Variants in RBMS2 observed in about 807,000 individuals in gnomAD.
The protein encoded by RBMS2 is RNA-binding motif, single-stranded-interacting protein 2.
Under a neutral mutation model 58.4 loss-of-function variants are expected in RBMS2, and 38 were observed. The observed-to-expected ratio is 0.65, with a 90% CI of 0.50 to 0.85. The LOEUF (loss-of-function observed/expected upper bound fraction) is 0.85. Ranked by LOEUF, RBMS2 falls within the 40% of genes least tolerant of loss-of-function variation. The probability of loss-of-function intolerance (pLI) is 0.00; values close to 1 mark genes in which losing one functional copy is unlikely to be tolerated. For missense variants in RBMS2, 367 were observed against 503.7 expected, an observed-to-expected ratio of 0.73 and a Z score of 2.60; for synonymous variants, 151 against 180.7, an observed-to-expected ratio of 0.84 and a Z score of 1.32.
intron 5 of RBMS2, among the ~76,000 whole-genome samples, chr12:56,577,759 G>A (rs12298408): frequency 4.0e-5 from 6 of 151,640 alleles, no homozygotes; most frequent in African/African-American, 1.2e-4. Context: ...CTTGGCTCAT[G>A]GCAACCTCTG....
At chr12:56,575,578 G>A (rs1211118522) in intron 5 of RBMS2, among the ~76,000 whole-genome samples, 3 of 147,228 alleles carry the variant, frequency 2.0e-5, no homozygotes, top group Non-Finnish European at 3.0e-5. Flanking sequence ...CAAAAAAAAA[G>A]GGCTATTTTT....
intron 11 of RBMS2, 115 bp from the exon 12 acceptor site, chr12:56,588,179 A>G (rs753551288): frequency 2.5e-4 from 211 of 837,384 alleles, no homozygotes; most frequent in Non-Finnish European, 3.5e-4. Flanking sequence ...CAGACCAATT[A>G]AAATAGAATC....
intron 1 of RBMS2, among the ~76,000 whole-genome samples, chr12:56,541,357 CAAATT>C (rs1876058606): frequency 6.6e-6 from 1 of 152,002 alleles, no homozygotes; most frequent in Non-Finnish European, 1.5e-5. Flanking sequence ...TACTTTAACT[CAAATT>C]GAATTACTAT....
chr12:56,576,184 A>C (rs921374123), intron 5 of RBMS2, among the ~76,000 whole-genome samples: 2 of 151,974 alleles, frequency 1.3e-5, no homozygotes, highest in Non-Finnish European at 2.9e-5. Context: ...TTAAAAATAC[A>C]AAGCTAGCCA....
intron 10 of RBMS2, 40 bp from the exon 11 acceptor site, chr12:56,587,514 G>A: frequency 6.3e-7 from 1 of 1,598,246 alleles, no homozygotes; most frequent in Non-Finnish European, 8.5e-7. Context: ...CAGCCTCACA[G>A]GATGCTGCAG....
chr12:56,559,981 G>C (rs559778783), intron 1 of RBMS2, among the ~76,000 whole-genome samples: 6 of 56,010 alleles, frequency 1.1e-4, no homozygotes, highest in Admixed American at 2.3e-4. Context: ...TGCAACCTCC[G>C]CCTCCCAGGT....
In RBMS2 at chr12:56,571,771, G is replaced by T; in HGVS notation, c.458G>T (p.Gly153Val). Residue 153 changes from glycine (G) to valine (V), a missense_variant, in exon 5 of 14, where the codon GGG (glycine) becomes GTG (valine). By Grantham distance (109) the Gly-to-Val change is moderately radical. Transcript: ENST00000262031. ...TCAATGGATGAGCAGGAACTGGAGG[G>T]GATGCTGAAGCCCTTTGGCCAGGTT... ...PLSMDEQELE[G>V]MLKPFGQVIS... is the part of the protein sequence containing the mutation. 6.2e-7 allele frequency: 1 copy of T among 1,603,362 alleles called. No homozygotes were observed. The highest frequency in any genetic ancestry group is 1.7e-4 in the Middle Eastern group (1 of 5,914).
intron 1 of RBMS2, among the ~76,000 whole-genome samples, chr12:56,529,304 G>T (rs560019087): frequency 6.6e-6 from 1 of 152,222 alleles, no homozygotes; most frequent in Admixed American, 6.5e-5. Context: ...TGTAATCCCA[G>T]CACTTTGGGA....
At chr12:56,553,913 C>T (rs561986150) in intron 1 of RBMS2, among the ~76,000 whole-genome samples, 1 of 151,890 alleles carries the variant, frequency 6.6e-6, no homozygotes, top group Admixed American at 6.6e-5. Flanking sequence ...CAGCCTCCGC[C>T]TCCTGGCTTC....
At chr12:56,585,744 A>G (rs1393507300) in intron 9 of RBMS2, among the ~76,000 whole-genome samples, 1 of 152,252 alleles carries the variant, frequency 6.6e-6, no homozygotes, top group Non-Finnish European at 1.5e-5. Flanking sequence ...ACTTGGATAT[A>G]TACCTAGGAG....
chr12:56,549,837 G>T (rs908476712), intron 1 of RBMS2, among the ~76,000 whole-genome samples: 7 of 152,032 alleles, frequency 4.6e-5, no homozygotes, highest in Non-Finnish European at 1.0e-4. Flanking sequence ...AGACCATCCT[G>T]ACCAACATGG....
Position 56,542,468 on chromosome 12 carries a change from G to GT in RBMS2, c.67-19937dup, listed in dbSNP as rs1237328467. On this transcript the variant is annotated intron_variant, in intron 1 of 13. Transcript: ENST00000262031. ...TGATTTGAGCATATTTAAAGTATGG[G>GT]TTTTTTTTTTTTAAAAATGGGGCTT... 4.0e-3 allele frequency among the ~76,000 whole-genome samples: 572 copies of GT among 143,758 alleles called. 4 individuals carry two copies. Among genetic ancestry groups the GT allele is most frequent in the African/African-American group, 0.014 (546 of 38,242 alleles). 94.3% of individuals were successfully genotyped at this position (143,758 alleles called of 152,430 possible).
chr12:56,527,044 C>A (rs1320734137), intron 1 of RBMS2, among the ~76,000 whole-genome samples: 1 of 152,112 alleles, frequency 6.6e-6, no homozygotes. Flanking sequence ...GTAAGGCTGA[C>A]TGGTGGGTAC....
chr12:56,535,409 C>T (rs1162600202), intron 1 of RBMS2, among the ~76,000 whole-genome samples: 1 of 149,848 alleles, frequency 6.7e-6, no homozygotes, highest in East Asian at 2.0e-4. Context: ...GTGGAAGGAT[C>T]ACTTGAACCC....
At chr12:56,561,942 G>A (rs1402207059) in intron 1 of RBMS2, among the ~76,000 whole-genome samples, 1 of 152,036 alleles carries the variant, frequency 6.6e-6, no homozygotes, top group Non-Finnish European at 1.5e-5. Flanking sequence ...TGAGTAGCTG[G>A]GACTACAGGC....
chr12:56,573,987 CCCG>C (rs1345468167), intron 5 of RBMS2, among the ~76,000 whole-genome samples: 1 of 152,040 alleles, frequency 6.6e-6, no homozygotes, highest in Non-Finnish European at 1.5e-5. Flanking sequence ...ATTACAGGCG[CCCG>C]CCACCATGCC....
chr12:56,571,836 A>C lies in RBMS2; in HGVS notation c.523A>C (p.Arg175=). The C allele has an allele frequency of 6.4e-7, 1 of 1,572,912 alleles. No individual in the cohort carries two copies. The highest frequency in any genetic ancestry group is 8.6e-7 in the Non-Finnish European group (1 of 1,158,012). The change falls in exon 5 of 14, where the codon AGA becomes CGA. Residue 175 remains arginine (R), a synonymous_variant. Coordinates refer to ENST00000262031, the MANE Select transcript of RBMS2 (RefSeq NM_002898.4). ...CCTTCGAGATACCAGTGGGACCAGC[A>C]GAGGTGTTGGCTTTGCAAGGTGAGG... The part of the protein sequence containing the change: ...RILRDTSGTS[R]GVGFARMEST...
chr12:56,558,194 C>T lies in RBMS2; in HGVS notation c.67-4223C>T, dbSNP rs554497134. Among the ~76,000 whole-genome samples, 858 of 137,780 alleles carry T rather than the reference C, an allele frequency of 6.2e-3. 6 individuals are homozygous for T. Among genetic ancestry groups the T allele is most frequent in the Non-Finnish European group, 0.011 (678 of 64,084 alleles). 90.4% of individuals were successfully genotyped at this position (137,780 alleles called of 152,430 possible). On this transcript the variant is annotated intron_variant, in intron 1 of 13. Coordinates refer to ENST00000262031, the MANE Select transcript of RBMS2 (RefSeq NM_002898.4). ...TCCCGAGAAGCTGGGACTACAAGCA[C>T]GCACCACCACGCCCAGCTAATTTCT...
intron 1 of RBMS2, among the ~76,000 whole-genome samples, chr12:56,541,428 C>T (rs1876073851): frequency 6.6e-6 from 1 of 152,050 alleles, no homozygotes; most frequent in East Asian, 1.9e-4. Context: ...TGTACTCTAA[C>T]CTTTACCCCA....
Sources: gnomAD v4.1 joint callset for allele counts (sites outside exome capture counted in the v4.1 genomes callset) on GRCh38, gnomAD v4.1.1 for gene constraint, MANE v1.5 for transcripts, NCBI Gene and HGNC (gene_info 2026-07-23, HGNC 2026-07-21) for gene names.